Variants in STAC2 observed in about 807,000 individuals in gnomAD.
STAC2 encodes SH3 and cysteine rich domain 2, also known as SH3 and cysteine-rich domain-containing protein 2.
In STAC2, 36 loss-of-function variants were observed where a neutral mutation model predicts 49.0. The observed-to-expected ratio is 0.74, with a 90% CI of 0.56 to 0.97. The LOEUF (loss-of-function observed/expected upper bound fraction) is 0.97. STAC2 is among the 50% of genes least tolerant of loss of function. The pLI, the probability that STAC2 is intolerant of heterozygous loss-of-function variation, is 0.00. For synonymous variants in STAC2, 239 were observed against 214.7 expected, an observed-to-expected ratio of 1.11 and a Z score of -0.99; for missense variants, 527 against 543.8, an observed-to-expected ratio of 0.97 and a Z score of 0.31.
At chr17:39,212,645 T>C (rs2046364831) in intron 10 of STAC2, among the ~76,000 whole-genome samples, 1 of 152,166 alleles carries the variant, frequency 6.6e-6, no homozygotes, top group East Asian at 1.9e-4. Flanking sequence ...TGTACTGCCC[T>C]GCCTCACCCC....
At chr17:39,217,004 G>A (rs2046410060) in intron 3 of STAC2, 72 bp downstream of exon 3, 2 of 1,602,952 alleles carry the variant, frequency 1.2e-6, no homozygotes, top group South Asian at 1.1e-5. Flanking sequence ...GCAGCCCTGA[G>A]GGATACTCAT....
At chr17:39,216,941 G>T in intron 3 of STAC2, 41 bp from the exon 4 acceptor site, 1 of 1,581,630 alleles carries the variant, frequency 6.3e-7, no homozygotes, top group Middle Eastern at 1.7e-4. Flanking sequence ...GGAGGTCATG[G>T]CCTATGGAGA....
intron 5 of STAC2, 23 bp downstream of exon 5, chr17:39,215,094 AC>A (rs751141576): frequency 8.7e-6 from 14 of 1,610,182 alleles, no homozygotes; most frequent in Middle Eastern, 1.6e-4. Flanking sequence ...TCCCCAAAAG[AC>A]CCCCCCTTTT....
At chr17:39,218,991 C>G (rs1255884970) in intron 1 of STAC2, among the ~76,000 whole-genome samples, 1 of 152,040 alleles carries the variant, frequency 6.6e-6, no homozygotes, top group African/African-American at 2.4e-5. Context: ...CTCCCATTGA[C>G]TCGTCACCTC....
In STAC2 at chr17:39,212,285, G is replaced by C. The variant is rs550924851; in HGVS notation, c.*7C>G. ...CAAGGGTGTCATCTGGGTTCCCTTG[G>C]CTCCTCTCAGATCTCAGTCAGGGCG... On this transcript the variant is annotated 3_prime_UTR_variant, in exon 11 of 11. Transcript: ENST00000333461. The C allele has an allele frequency of 2.5e-6, 4 of 1,601,990 alleles. No homozygotes were observed. The highest frequency in any genetic ancestry group is 3.4e-6 in the Non-Finnish European group (4 of 1,172,768).
intron 1 of STAC2, 89 bp from the exon 2 acceptor site, chr17:39,218,262 C>A (rs113507882): frequency 1.4e-6 from 2 of 1,395,862 alleles, no homozygotes; most frequent in Admixed American, 1.8e-5. Context: ...GCGGTAGGGG[C>A]GGCAGCAGCA....
Position 39,213,264 on chromosome 17 carries a change from G to A in STAC2, c.994-132C>T, listed in dbSNP as rs559318774. 24 of 1,471,178 alleles carry A rather than the reference G, an allele frequency of 1.6e-5. No individual in the cohort carries two copies. The East Asian group carries it at 4.5e-4, about 27-fold the overall frequency. The allele number at this position is 1,471,178 out of a possible 1,614,324, so 91.1% of individuals were successfully genotyped here. A position where few individuals can be genotyped will look rare whatever the true frequency, so the allele number is the denominator to read the frequency against. On this transcript the variant is annotated intron_variant, in intron 9 of 10. Transcript: ENST00000333461. ...CAGATCTAGGGCTCTCCGGATTCCA[G>A]CCCCCAGCCAGGTGGCTTCTGGGCC...
chr17:39,223,244 C>T (rs1283625445), intron 1 of STAC2, among the ~76,000 whole-genome samples: 1 of 152,210 alleles, frequency 6.6e-6, no homozygotes, highest in Non-Finnish European at 1.5e-5. Flanking sequence ...TCTCCACCCA[C>T]AGTCTGGAGA....
rs772356292 is a variant in STAC2 at position 39,217,955 on chromosome 17, T to C, written c.309A>G (p.Ala103=). The change falls in exon 2 of 11, where the codon GCA becomes GCG. Residue 103 remains alanine, a synonymous_variant. Coordinates refer to ENST00000333461, the MANE Select transcript of STAC2 (RefSeq NM_198993.5). ...TGTGCAGCCTCACTGGTTTGAGCGC[T>C]GCCAGGGGGCGTGGGACTGGGCATG... ...PSPCPVPRPL[A]ALKPVRLHSF... is the part of the protein sequence containing the mutation. 2 of 1,588,308 alleles carry C rather than the reference T, an allele frequency of 1.3e-6. No individual in the cohort carries two copies. Among genetic ancestry groups the C allele is most frequent in the African/African-American group, 2.7e-5 (2 of 74,164 alleles).
rs116666437 is a variant in STAC2, at chr17:39,225,269, T to C, written c.90+144A>G. On this transcript the variant is annotated intron_variant, in intron 1 of 10. Coordinates refer to ENST00000333461, the MANE Select transcript of STAC2 (RefSeq NM_198993.5). This position sits in a 1 kb window ranked among gnomAD's most constrained non-coding sequence, Gnocchi z 8.2. ...TGGCCCCTCGTCGCCAACCCACTCCTACCCCCGGGAGCGGCGCGGAGCCTC... is the reference window on the plus strand; with the variant it reads ...TGGCCCCTCGTCGCCAACCCACTCCCACCCCCGGGAGCGGCGCGGAGCCTC... The C allele has an allele frequency of 3.4e-3, 2,246 of 657,464 alleles. 36 individuals are homozygous for C. The African/African-American group carries it at 0.039, about 11-fold the overall frequency. The allele number at this position is 657,464 out of a possible 1,614,324, so 40.7% of individuals were successfully genotyped here.
intron 1 of STAC2, among the ~76,000 whole-genome samples, chr17:39,219,116 C>T (rs1053759593): frequency 2.0e-5 from 3 of 152,134 alleles, no homozygotes; most frequent in Admixed American, 6.5e-5. Flanking sequence ...ATGCCTGATC[C>T]TGCTAAAAAC....
chr17:39,218,556 A>T (rs1427778374), intron 1 of STAC2, among the ~76,000 whole-genome samples: 4 of 152,218 alleles, frequency 2.6e-5, no homozygotes, highest in African/African-American at 9.7e-5. Flanking sequence ...GTGAAATCGG[A>T]TAGAAACAAG....
At chr17:39,220,416 C>G (rs1279331031) in intron 1 of STAC2, among the ~76,000 whole-genome samples, 1 of 152,056 alleles carries the variant, frequency 6.6e-6, no homozygotes, top group Non-Finnish European at 1.5e-5. Context: ...TGCCTGAAGG[C>G]AAATCACCCC....
chr17:39,217,273 C>T, intron 2 of STAC2, 100 bp from the exon 3 acceptor site: 1 of 1,199,044 alleles, frequency 8.3e-7, no homozygotes, highest in Non-Finnish European at 1.2e-6. Context: ...TGGGCATTCT[C>T]ATGCCAGCCT....
chr17:39,214,161 C>T (rs2046379409), intron 8 of STAC2, 72 bp downstream of exon 8: 5 of 1,543,100 alleles, frequency 3.2e-6, no homozygotes, highest in Non-Finnish European at 4.5e-6. Flanking sequence ...CCTGAAGGCC[C>T]CCCTCACACT....
In STAC2 at chr17:39,218,048, G is replaced by A. The variant is rs372237375; in HGVS notation, c.216C>T (p.Thr72=). Residue 72 remains threonine, a synonymous_variant, in exon 2 of 11, where the codon ACC becomes ACT. Transcript: ENST00000333461. ...GTGGTGGGGAGGGAGGGGGCAGTGGGGTTGGGGGCGTCAGCAGCACCTCGG... is the reference window on the plus strand; with the variant it reads ...GTGGTGGGGAGGGAGGGGGCAGTGGAGTTGGGGGCGTCAGCAGCACCTCGG... ...CPTEVLLTPP[T]PLPPPSPPPT... 56 of 1,608,172 alleles carry A rather than the reference G, an allele frequency of 3.5e-5. No homozygotes were observed. The East Asian group carries it at 1.0e-3, about 29-fold the overall frequency.
In STAC2 at chr17:39,214,249, T is replaced by C. The variant is rs1306672185; in HGVS notation, c.925A>G (p.Asn309Asp). The C allele has an allele frequency of 6.2e-7, 1 of 1,613,988 alleles. No individual in the cohort carries two copies. The highest frequency in any genetic ancestry group is 8.5e-7 in the Non-Finnish European group (1 of 1,179,924). ...ALYKFLPQEN[N>D]DLALQPGDRI... is the part of the protein sequence containing the mutation. ...AGGACTTACTGCAGAGCCAGATCAT[T>C]GTTCTCCTGGGGCAGAAACTTGTAG... Residue 309 changes from asparagine to aspartate, a missense_variant, in exon 8 of 11, where the codon AAT (asparagine) becomes GAT (aspartate). Coordinates refer to ENST00000333461, the MANE Select transcript of STAC2 (RefSeq NM_198993.5).
In STAC2 at chr17:39,218,129, T is replaced by C; in HGVS notation, c.135A>G (p.Arg45=). 6.2e-7 allele frequency: 1 copy of C among 1,613,368 alleles called. No homozygotes were observed. Among genetic ancestry groups the C allele is most frequent in the Non-Finnish European group, 8.5e-7 (1 of 1,180,006 alleles). ...GGAAGAAGTTCTCCAAGCTCTTACT[T>C]CGGAGGATGGTCTTGAGGGAGAGGG... ...KRSLSLKTIL[R]SKSLENFFLR... Residue 45 remains arginine (R), a synonymous_variant, in exon 2 of 11, where the codon CGA becomes CGG. Transcript: ENST00000333461.
In STAC2 at chr17:39,216,795, A is replaced by G. The variant is rs79482962; in HGVS notation, c.586+15T>C. 1.9e-6 allele frequency: 3 copies of G among 1,569,872 alleles called. No individual in the cohort carries two copies. Among genetic ancestry groups the G allele is most frequent in the African/African-American group, 1.4e-5 (1 of 74,068 alleles). ...CACAATGGGAGCAGGGACTGCGGCC[A>G]GGGGGGGCACTCACCAGTGGGTGGG... On this transcript the variant is annotated intron_variant, in intron 4 of 10. Coordinates refer to ENST00000333461, the MANE Select transcript of STAC2 (RefSeq NM_198993.5).
Sources: allele counts gnomAD v4.1 joint callset (sites outside exome capture counted in the v4.1 genomes callset), GRCh38; gene constraint gnomAD v4.1.1; non-coding constraint Gnocchi (gnomAD v3.1); transcripts MANE v1.5; gene names NCBI Gene and HGNC (gene_info 2026-07-23, HGNC 2026-07-21).